Variants in TAOK1 observed in about 807,000 individuals in gnomAD.
TAOK1 encodes serine/threonine-protein kinase TAO1.
In TAOK1, 21 loss-of-function variants were observed where a neutral mutation model predicts 138.3. That is an observed-to-expected ratio of 0.15 (90% CI 0.11 to 0.22). TAOK1 has a LOEUF of 0.22. Among genes scored for constraint, TAOK1 ranks in the 10% least tolerant of loss-of-function variants. The pLI is 1.00. For missense variants in TAOK1, 651 were observed against 1,227.7 expected (o/e 0.53, Z 7.02); for synonymous variants, 361 against 398.4 (o/e 0.91, Z 1.12).
chr17:29,533,197 C>T (rs1160894184), intron 18 of TAOK1, among the ~76,000 whole-genome samples: 1 of 149,864 alleles, frequency 6.7e-6, no homozygotes. Flanking sequence ...CCTCACATCC[C>T]AGATGGGGTG....
intron 8 of TAOK1, among the ~76,000 whole-genome samples, chr17:29,486,272 G>C (rs951969003): frequency 5.9e-5 from 9 of 152,178 alleles, no homozygotes; most frequent in Non-Finnish European, 1.3e-4. Context: ...CTGGGTGACA[G>C]ACCAAGACTT....
At chr17:29,395,819 G>T (rs569503461) in intron 1 of TAOK1, among the ~76,000 whole-genome samples, 40 of 129,022 alleles carry the variant, frequency 3.1e-4, no homozygotes, top group African/African-American at 7.9e-4. Flanking sequence ...CACCACGTCT[G>T]GCTAATTTTT....
At chr17:29,491,889 A>AT in intron 10 of TAOK1, 24 bp downstream of exon 10, 1 of 1,549,654 alleles carries the variant, frequency 6.5e-7, no homozygotes, top group Non-Finnish European at 8.8e-7. Context: ...TAGTTTATTT[A>AT]TTTATTTTAT....
At chr17:29,423,321 G>A (rs1298655497) in intron 1 of TAOK1, among the ~76,000 whole-genome samples, 1 of 150,220 alleles carries the variant, frequency 6.7e-6, no homozygotes, top group Non-Finnish European at 1.5e-5. Context: ...CTGGGTTCAC[G>A]CCATTCTGCT....
chr17:29,425,766 C>CTT (rs1905616937), intron 1 of TAOK1, among the ~76,000 whole-genome samples: 1 of 152,108 alleles, frequency 6.6e-6, no homozygotes, highest in South Asian at 2.1e-4. Flanking sequence ...TTCTTGTAAT[C>CTT]TAAGATCAAG....
At chr17:29,465,788 G>A (rs1205512462) in intron 2 of TAOK1, among the ~76,000 whole-genome samples, 1 of 135,036 alleles carries the variant, frequency 7.4e-6, no homozygotes, top group Non-Finnish European at 1.6e-5. Flanking sequence ...TGTGTGTATA[G>A]TGGGAGTTTC....
chr17:29,470,186 G>T (rs1202107199), intron 3 of TAOK1, among the ~76,000 whole-genome samples: 3 of 152,122 alleles, frequency 2.0e-5, no homozygotes, highest in Non-Finnish European at 4.4e-5. Context: ...GAGTTCTTGG[G>T]TTGCTTCTTA....
chr17:29,422,599 A>C (rs1905488541), intron 1 of TAOK1, among the ~76,000 whole-genome samples: 1 of 152,194 alleles, frequency 6.6e-6, no homozygotes, highest in Non-Finnish European at 1.5e-5. Flanking sequence ...TTAACTGGTA[A>C]AATTACTTAT....
chr17:29,435,843 CAGAT>C (rs1906012401), intron 1 of TAOK1, among the ~76,000 whole-genome samples: 1 of 152,176 alleles, frequency 6.6e-6, no homozygotes, highest in Non-Finnish European at 1.5e-5. Context: ...AGAATACTCA[CAGAT>C]AGGCGGGGTG....
At chr17:29,492,704 ATC>A (rs1342118948) in intron 10 of TAOK1, among the ~76,000 whole-genome samples, 1 of 152,184 alleles carries the variant, frequency 6.6e-6, no homozygotes, top group Admixed American at 6.5e-5. Context: ...AGGCAGGAGA[ATC>A]GCTTGAACCT....
intron 17 of TAOK1, among the ~76,000 whole-genome samples, chr17:29,525,286 T>G (rs2031991178): frequency 3.3e-5 from 5 of 152,022 alleles, no homozygotes; most frequent in Admixed American, 3.3e-4. Flanking sequence ...CTAATTTTTG[T>G]ATTTTTAGTA....
At chr17:29,435,612 T>G (rs1906003670) in intron 1 of TAOK1, among the ~76,000 whole-genome samples, 1 of 152,104 alleles carries the variant, frequency 6.6e-6, no homozygotes, top group Non-Finnish European at 1.5e-5. Flanking sequence ...TGACCACAGG[T>G]CAGGAACCCT....
intron 15 of TAOK1, among the ~76,000 whole-genome samples, chr17:29,515,663 G>T (rs138208082): frequency 2.6e-5 from 4 of 151,930 alleles, no homozygotes; most frequent in South Asian, 4.2e-4. Context: ...GTGAAATCTC[G>T]TCTCTACTAA....
chr17:29,400,989 C>T (rs1461137350), intron 1 of TAOK1, among the ~76,000 whole-genome samples: 3 of 147,532 alleles, frequency 2.0e-5, no homozygotes, highest in South Asian at 2.1e-4. Flanking sequence ...TAGTTCACTG[C>T]GGCCTCCACC....
At chr17:29,500,739 CAA>C (rs936742998) in intron 12 of TAOK1, among the ~76,000 whole-genome samples, 4 of 87,562 alleles carry the variant, frequency 4.6e-5, no homozygotes, top group Non-Finnish European at 7.2e-5. Context: ...GACTCTGTCT[CAA>C]AAAAAAAAAA....
intron 9 of TAOK1, among the ~76,000 whole-genome samples, chr17:29,490,531 A>C (rs1265452587): frequency 6.6e-6 from 1 of 152,220 alleles, no homozygotes; most frequent in Non-Finnish European, 1.5e-5. Flanking sequence ...CATTCATATA[A>C]GTCTTTGCCA....
intron 19 of TAOK1, among the ~76,000 whole-genome samples, chr17:29,534,970 G>A (rs2032198827): frequency 1.4e-5 from 2 of 144,424 alleles, no homozygotes; most frequent in African/African-American, 5.6e-5. Flanking sequence ...TGTGTATTAG[G>A]GAAAGGGCGA....
intron 2 of TAOK1, among the ~76,000 whole-genome samples, chr17:29,465,223 G>T (rs1192630872): frequency 7.6e-6 from 1 of 132,016 alleles, no homozygotes. Context: ...GCATGATCTC[G>T]GCTCACTGCA....
In TAOK1 at chr17:29,423,823, G is replaced by A. The variant is rs550495746; in HGVS notation, c.-94-27632G>A. Among the ~76,000 whole-genome samples, 68 of 152,038 alleles carry A rather than the reference G, an allele frequency of 4.5e-4. 1 individual carries two copies. In the South Asian group the frequency reaches 0.013, roughly 30 times the overall value. On this transcript the variant is annotated intron_variant, in intron 1 of 19. Coordinates refer to ENST00000261716, the MANE Select transcript of TAOK1 (RefSeq NM_020791.4). ...AGCACTTTGGGGGGCAGAAGCAGGC[G>A]GATTGTTTGAGGTCAGGAGTTCGAG...
Sources: allele counts gnomAD v4.1 joint callset (sites outside exome capture counted in the v4.1 genomes callset), GRCh38; gene constraint gnomAD v4.1.1; transcripts MANE v1.5; gene names NCBI Gene and HGNC (gene_info 2026-07-23, HGNC 2026-07-21).